The following FGD2 variants were observed in gnomAD, a reference collection of about 807,000 sequenced individuals.
FGD2 encodes the protein FYVE, RhoGEF and PH domain-containing protein 2.
Under a neutral mutation model 75.9 loss-of-function variants are expected in FGD2, and 52 were observed. The observed-to-expected ratio is 0.69, with a 90% CI of 0.55 to 0.86. FGD2 has a LOEUF of 0.86. Among genes scored for constraint, FGD2 ranks in the 40% least tolerant of loss-of-function variants. The probability of loss-of-function intolerance (pLI) is 0.00; values close to 1 mark genes in which losing one functional copy is unlikely to be tolerated. For missense variants in FGD2, 790 were observed against 872.0 expected, an observed-to-expected ratio of 0.91 and a Z score of 1.18; for synonymous variants, 347 against 348.6, an observed-to-expected ratio of 1.00 and a Z score of 0.05.
chr6:37,011,416 G>A, intron 3 of FGD2: 1 of 560,670 alleles, frequency 1.8e-6, no homozygotes. Context: ...TCACCGCAGG[G>A]AGCTCTAGTC....
Position 37,011,803 on chromosome 6 carries a change from A to G in FGD2, c.476A>G (p.Gln159Arg). 1 of 1,614,100 alleles carries G rather than the reference A, an allele frequency of 6.2e-7. No homozygotes were observed. The highest frequency in any genetic ancestry group is 8.5e-7 in the Non-Finnish European group (1 of 1,179,996). The change falls in exon 4 of 16, where the codon CAG (glutamine) becomes CGG (arginine). Residue 159 changes from glutamine to arginine, a missense_variant. Gln to Arg is a conservative substitution (Grantham distance 43). Coordinates refer to ENST00000274963, the MANE Select transcript of FGD2 (RefSeq NM_173558.4). ...VIFSNISSIY[Q>R]FHSQFFLPEL... ...TTCTCCAACATCTCCTCCATCTATC[A>G]GTTCCATTCTCAGTTCTTCCTCCCA... is the stretch of plus-strand genomic sequence containing the variant.
At chr6:37,008,812 C>T (rs2150767148) in intron 1 of FGD2, 22 bp from the exon 2 acceptor site, 1 of 1,534,924 alleles carries the variant, frequency 6.5e-7, no homozygotes, top group Middle Eastern at 1.8e-4. Context: ...AGGAAGCCCT[C>T]AGGTCTGTCT....
chr6:37,027,253 G>A (rs927700991), intron 14 of FGD2, among the ~76,000 whole-genome samples, 176 bp from the exon 15 acceptor site: 1 of 152,202 alleles, frequency 6.6e-6, no homozygotes, highest in East Asian at 1.9e-4. Context: ...TCTGCCACTG[G>A]CCAGCTAGCT....
intron 13 of FGD2, chr6:37,025,550 G>A (rs556034443): frequency 9.2e-6 from 5 of 541,264 alleles, no homozygotes; most frequent in South Asian, 4.7e-5. Flanking sequence ...GGTGGGGGCC[G>A]GGTCTTGAAC....
At chr6:37,023,533 C>T (rs1765685766) in intron 13 of FGD2, 1 of 152,216 alleles carries the variant, frequency 6.6e-6, no homozygotes, top group South Asian at 2.1e-4. Flanking sequence ...ACATCACAAC[C>T]CCCTCTGTTT....
chr6:37,007,157 T>C (rs1349503709), intron 1 of FGD2, among the ~76,000 whole-genome samples: 2 of 152,160 alleles, frequency 1.3e-5, no homozygotes, highest in Non-Finnish European at 2.9e-5. Flanking sequence ...TTTCAGTATT[T>C]GGATGCTGAG....
At position 37,011,987 on chromosome 6, in the gene FGD2, G is replaced by C. The variant is rs961230225; in HGVS notation, c.527+133G>C. 5 of 973,094 alleles carry C rather than the reference G, an allele frequency of 5.1e-6. No individual in the cohort carries two copies. The Admixed American group carries it at 1.2e-4, about 23-fold the overall frequency. The allele number at this position is 973,094 out of a possible 1,614,324, so 60.3% of individuals were successfully genotyped here. On this transcript the variant is annotated intron_variant, in intron 4 of 15. Transcript: ENST00000274963. The stretch of plus-strand genomic sequence containing the variant: ...GTGTGGCCATGCCTCCCTGGGGCTC[G>C]GTCTGTCTGCACAGTGAAGGGCTTG...
rs966115608 is a variant in FGD2 at position 37,027,826 on chromosome 6, A to ACC, written c.1753-118_1753-117dup. 4 of 1,201,430 alleles carry ACC rather than the reference A, an allele frequency of 3.3e-6. No homozygotes were observed. The African/African-American group carries it at 6.1e-5, about 18-fold the overall frequency. The allele number at this position is 1,201,430 out of a possible 1,614,324, so 74.4% of individuals were successfully genotyped here. On this transcript the variant is annotated intron_variant, in intron 15 of 15. Coordinates refer to ENST00000274963, the MANE Select transcript of FGD2 (RefSeq NM_173558.4). ...CTTCCTCGATGGCCTTCACCAGCCC[A>ACC]CCCCCAACCCATGGGGGTTTAGGGT...
chr6:37,027,554 C>T lies in FGD2; in HGVS notation c.1731C>T (p.Leu577=), dbSNP rs1476249665. The change falls in exon 15 of 16, where the codon CTC becomes CTT. Residue 577 remains leucine, a synonymous_variant. Coordinates refer to ENST00000274963, the MANE Select transcript of FGD2 (RefSeq NM_173558.4). ...TCCCTCGGGATGACCCCCTCGTGCT[C>T]TATGTCTATGCTGCCCCTCAGGTAA... ...CVIPRDDPLV[L]YVYAAPQDMR... 6.2e-7 allele frequency: 1 copy of T among 1,614,006 alleles called. No individual in the cohort carries two copies. Among genetic ancestry groups the T allele is most frequent in the Admixed American group, 1.7e-5 (1 of 60,002 alleles).
At chr6:37,010,381 T>A (rs1583293811) in intron 2 of FGD2, among the ~76,000 whole-genome samples, 1 of 152,324 alleles carries the variant, frequency 6.6e-6, no homozygotes, top group East Asian at 1.9e-4. Context: ...ACTCTTATCA[T>A]CGCATTTAAC....
In FGD2 at chr6:37,013,698, C is replaced by T; in HGVS notation, c.617C>T (p.Ala206Val). Residue 206 changes from alanine (A) to valine (V), a missense_variant, in exon 5 of 16, where the codon GCG becomes GTG. Coordinates refer to ENST00000274963, the MANE Select transcript of FGD2 (RefSeq NM_173558.4). ...GAGTATGTCAAGAACTTTGAGCGAG[C>T]GGCTGAGCTGCTGGCCACCTGGACC... ...YSEYVKNFER[A>V]AELLATWTDK... 3 of 1,614,066 alleles carry T rather than the reference C, an allele frequency of 1.9e-6. No individual in the cohort carries two copies. Among genetic ancestry groups the T allele is most frequent in the Middle Eastern group, 3.3e-4 (2 of 6,062 alleles).
At chr6:37,014,244 T>C in intron 6 of FGD2, 144 bp downstream of exon 6, 1 of 1,023,420 alleles carries the variant, frequency 9.8e-7, no homozygotes, top group Middle Eastern at 2.3e-4. Context: ...TCCATACCAT[T>C]AGCCATTTTT....
In FGD2 at chr6:37,020,204, G is replaced by A. The variant is rs76336097; in HGVS notation, c.1123-337G>A. ...TGAAAATTTTAAAGCCAAGAAAACG[G>A]TATAATGAACCTCATATACTCATCC... On this transcript the variant is annotated intron_variant, in intron 9 of 15. Coordinates refer to ENST00000274963, the MANE Select transcript of FGD2 (RefSeq NM_173558.4). Among the ~76,000 whole-genome samples the A allele has an allele frequency of 1.0e-3, 152 of 152,334 alleles. 3 individuals are homozygous for A. In the East Asian group the frequency reaches 0.027, roughly 27 times the overall value.
chr6:37,021,823 T>C, intron 12 of FGD2: 1 of 537,786 alleles, frequency 1.9e-6, no homozygotes, highest in South Asian at 2.6e-5. Context: ...CACAGCTGTC[T>C]TGGGGAAGTG....
In FGD2 at chr6:37,020,887, C is replaced by CGTGTGT. The variant is rs1561938376; in HGVS notation, c.1233+148_1233+149insGTGTGT. On this transcript the variant is annotated intron_variant, in intron 11 of 15. Coordinates refer to ENST00000274963, the MANE Select transcript of FGD2 (RefSeq NM_173558.4). Reference sequence around the variant, plus strand: ...AAGGGGAGGGAGTGGTGTATGTATGCATGTGTGTGTGTGTGTGTGTGTGTG... The same window carrying CGTGTGT: ...AAGGGGAGGGAGTGGTGTATGTATGCGTGTGTATGTGTGTGTGTGTGTGTGTGTGTG... 1.0e-4 allele frequency: 70 copies of CGTGTGT among 697,304 alleles called. No individual in the cohort carries two copies. The East Asian group carries it at 1.9e-3, about 19-fold the overall frequency. The allele number at this position is 697,304 out of a possible 1,614,324, so 43.2% of individuals were successfully genotyped here. A position where few individuals can be genotyped will look rare whatever the true frequency, so the allele number is the denominator to read the frequency against.
Position 37,013,703 on chromosome 6 carries a change from G to A in FGD2, c.622G>A (p.Glu208Lys), listed in dbSNP as rs1765134489. The A allele has an allele frequency of 1.2e-6, 2 of 1,613,956 alleles. No individual in the cohort carries two copies. Among genetic ancestry groups the A allele is most frequent in the Non-Finnish European group, 1.7e-6 (2 of 1,179,982 alleles). The change falls in exon 5 of 16, where the codon GAG (glutamate) becomes AAG (lysine). Residue 208 changes from glutamate (E) to lysine (K), a missense_variant. Physicochemically the swap from Glu to Lys is moderately conservative, Grantham distance 56. Coordinates refer to ENST00000274963, the MANE Select transcript of FGD2 (RefSeq NM_173558.4). ...TGTCAAGAACTTTGAGCGAGCGGCT[G>A]AGCTGCTGGCCACCTGGACCGACAA... ...EYVKNFERAA[E>K]LLATWTDKSP...
chr6:37,011,995 T>C (rs1765034493), intron 4 of FGD2, 141 bp downstream of exon 4: 2 of 901,600 alleles, frequency 2.2e-6, no homozygotes. Flanking sequence ...TCGGTCTGTC[T>C]GCACAGTGAA....
intron 8 of FGD2, among the ~76,000 whole-genome samples, chr6:37,015,564 C>T (rs1357561872): frequency 6.6e-6 from 1 of 152,154 alleles, no homozygotes; most frequent in Non-Finnish European, 1.5e-5. Flanking sequence ...AGTAACCATC[C>T]TAGGGGAATT....
Position 37,027,939 on chromosome 6 carries a change from T to TC in FGD2, c.1753-3dup, listed in dbSNP as rs771923023. The TC allele has an allele frequency of 3.1e-6, 5 of 1,612,952 alleles. No individual in the cohort carries two copies. The highest frequency in any genetic ancestry group is 1.7e-6 in the Non-Finnish European group (2 of 1,179,562). Reference sequence around the variant, plus strand: ...GGGACAGTGGCCCACTGCTCTCTCCTCCCCCCAGGACATGAGGGCTCACAC... The same window carrying TC: ...GGGACAGTGGCCCACTGCTCTCTCCTCCCCCCCAGGACATGAGGGCTCACAC... On this transcript the variant is annotated splice_polypyrimidine_tract_variant and intron_variant, in intron 15 of 15. Coordinates refer to ENST00000274963, the MANE Select transcript of FGD2 (RefSeq NM_173558.4).
Sources: allele counts gnomAD v4.1 joint callset (sites outside exome capture counted in the v4.1 genomes callset), GRCh38; gene constraint gnomAD v4.1.1; transcripts MANE v1.5; gene names NCBI Gene and HGNC (gene_info 2026-07-23, HGNC 2026-07-21).